Variants in RIF1 observed in about 807,000 individuals in gnomAD.
The protein encoded by RIF1 is replication timing regulatory factor 1, also known as telomere-associated protein RIF1.
RIF1 carries 45 observed loss-of-function variants against 247.1 expected under a neutral mutation model. That is an observed-to-expected ratio of 0.18 (90% CI 0.14 to 0.23). The LOEUF (loss-of-function observed/expected upper bound fraction) is 0.23, where lower values mean the gene tolerates loss of function less well. RIF1 is among the 10% of genes least tolerant of loss of function. The pLI, the probability that RIF1 is intolerant of heterozygous loss-of-function variation, is 1.00. For synonymous variants in RIF1, 1,087 were observed against 978.8 expected (o/e 1.11, Z -2.06); for missense variants, 2,967 against 2,862.5 (o/e 1.04, Z -0.83).
chr2:151,503,903 C>T (rs371835861), intron 12 of RIF1, among the ~76,000 whole-genome samples: 14 of 152,278 alleles, frequency 9.2e-5, no homozygotes, highest in South Asian at 4.1e-4. Context: ...TCCTCGCTGG[C>T]TCCTAATCTG....
At chr2:151,428,215 C>A (rs117095778) in intron 8 of RIF1, among the ~76,000 whole-genome samples, 17 of 152,036 alleles carry the variant, frequency 1.1e-4, no homozygotes, top group African/African-American at 3.9e-4. Context: ...GGCGACAGAG[C>A]GAGATTCCCT....
At position 151,445,342 on chromosome 2, in the gene RIF1, A is replaced by G. The variant is rs1332359187; in HGVS notation, c.1991A>G (p.Asn664Ser). 1.9e-6 allele frequency: 3 copies of G among 1,561,830 alleles called. No homozygotes were observed. Among genetic ancestry groups the G allele is most frequent in the East Asian group, 2.2e-5 (1 of 44,624 alleles). ...TPLTELINQT[N>S]EVNQGDALEH... Reference sequence around the variant, plus strand: ...TCATTATTTTTCTTGTTTTAGACCAATGAAGTAAATCAAGGTGATGCCTTA... The same window carrying G: ...TCATTATTTTTCTTGTTTTAGACCAGTGAAGTAAATCAAGGTGATGCCTTA... The change falls in exon 19 of 36, where the codon AAT (asparagine) becomes AGT (serine). Residue 664 changes from asparagine (N) to serine (S), a missense_variant. Asn to Ser is a conservative substitution (Grantham distance 46). Coordinates refer to ENST00000444746, the MANE Select transcript of RIF1 (RefSeq NM_018151.5).
intron 10 of RIF1, chr2:151,499,154 T>C (rs1050896256): frequency 6.0e-5 from 30 of 497,666 alleles, no homozygotes; most frequent in Non-Finnish European, 8.9e-5. Context: ...GGAAAACTGA[T>C]TCATAGGAAA....
At position 151,465,601 on chromosome 2, in the gene RIF1, C is replaced by T. The variant is rs189342229; in HGVS notation, c.6081C>T (p.Gly2027=). 4.4e-4 allele frequency: 711 copies of T among 1,613,700 alleles called. 5 individuals are homozygous for T. The East Asian group carries it at 0.011, about 25-fold the overall frequency. ...AAAATAATGAAGAAATGATGATCGG[C>T]GAGGCAATGGCTGAAACTGGCCATG... The part of the protein sequence containing the change: ...KMKNNEEMMI[G]EAMAETGHDG... Residue 2027 remains glycine (G), a synonymous_variant, in exon 30 of 36, where the codon GGC becomes GGT. Coordinates refer to ENST00000444746, the MANE Select transcript of RIF1 (RefSeq NM_018151.5).
chr2:151,496,271 A>C (rs778743839), intron 10 of RIF1: 4 of 1,601,114 alleles, frequency 2.5e-6, no homozygotes, highest in Non-Finnish European at 3.4e-6. Context: ...TTTCTCGCCA[A>C]GTACCGAGCT....
intron 20 of RIF1, among the ~76,000 whole-genome samples, chr2:151,450,594 CTT>C (rs527914694): frequency 6.8e-6 from 1 of 146,534 alleles, no homozygotes; most frequent in African/African-American, 2.5e-5. Context: ...ATAATTCTTT[CTT>C]TTTTTTTTTG....
the RIF1 span, among the ~76,000 whole-genome samples, chr2:151,522,137 A>G: frequency 6.6e-6 from 1 of 152,202 alleles, no homozygotes; most frequent in African/African-American, 2.4e-5. Context: ...GTAGTATAGG[A>G]AAGTGATTTT....
In RIF1 at chr2:151,489,868, G is replaced by T. The variant is rs1339666196; in HGVS notation, c.*416-5361G>T. 14 of 751,820 alleles carry T rather than the reference G, an allele frequency of 1.9e-5. No homozygotes were observed. In the Admixed American group the frequency reaches 3.1e-4, roughly 17 times the overall value. The allele number at this position is 751,820 out of a possible 1,614,324, so 46.6% of individuals were successfully genotyped here. On this transcript the variant is annotated intron_variant and NMD_transcript_variant, in intron 9 of 13. Coordinates refer to the RIF1 transcript ENST00000454583. ...TAATAAAAGAGCATTATATAAAATA[G>T]AAGGTTTGGTTAAAAAAAACCGTAA...
intron 3 of RIF1, among the ~76,000 whole-genome samples, chr2:151,414,398 C>T (rs753156766): frequency 1.3e-5 from 2 of 152,080 alleles, no homozygotes; most frequent in Non-Finnish European, 2.9e-5. Flanking sequence ...ACTTTATAAA[C>T]GTTACATTCT....
At chr2:151,516,395 G>C in the RIF1 span, 11 of 1,150,640 alleles carry the variant, frequency 9.6e-6, no homozygotes, top group Non-Finnish European at 1.2e-5. Context: ...GCCATGTCAT[G>C]GGCAGAGCTT....
rs1696635882 is a variant in RIF1, at chr2:151,464,571, A to T, written c.5051A>T (p.His1684Leu). ...LRTRNAIKRL[H>L]KRDSFDNCSL... The stretch of plus-strand genomic sequence containing the variant: ...ACTAGAAATGCCATTAAGAGATTAC[A>T]TAAGCGAGACTCTTTTGATAATTGT... Residue 1684 changes from histidine (H) to leucine (L), a missense_variant, in exon 30 of 36, where the codon CAT (histidine) becomes CTT (leucine). By Grantham distance (99) the His-to-Leu change is moderately conservative. This residue lies in a region of RIF1 where 2,028 missense variants were observed against 1,825.6 expected (regional missense o/e 1.11). Transcript: ENST00000444746. 1 of 1,613,320 alleles carries T rather than the reference A, an allele frequency of 6.2e-7. No individual in the cohort carries two copies.
chr2:151,503,728 A>G (rs541920805), intron 12 of RIF1, among the ~76,000 whole-genome samples: 24 of 152,310 alleles, frequency 1.6e-4, no homozygotes, highest in African/African-American at 5.5e-4. Flanking sequence ...GAAAAATCTA[A>G]CCATTTTGTT....
At chr2:151,524,749 T>G in the RIF1 span, 66 of 722,292 alleles carry the variant, frequency 9.1e-5, no homozygotes, top group Non-Finnish European at 1.6e-5. Context: ...TCACTGCAAC[T>G]TCTGTCTCCC....
downstream of RIF1, chr2:151,485,979 C>G: frequency 6.4e-7 from 1 of 1,570,242 alleles, no homozygotes; most frequent in Non-Finnish European, 8.7e-7. Flanking sequence ...GTTGGATTTG[C>G]AACAGTTAAC....
At chr2:151,466,202 C>T in intron 30 of RIF1, 82 bp downstream of exon 30, 4 of 707,182 alleles carry the variant, frequency 5.7e-6, no homozygotes, top group Non-Finnish European at 9.7e-6. Context: ...TGGTGAATGA[C>T]AAAATATTAC....
chr2:151,521,818 T>G, the RIF1 span, among the ~76,000 whole-genome samples: 15 of 152,336 alleles, frequency 9.8e-5, no homozygotes, highest in South Asian at 1.0e-3. Context: ...AAATGCAGCT[T>G]TTTACAACTA....
In RIF1 at chr2:151,492,443, C is replaced by T; in HGVS notation, c.*416-2786C>T. The T allele has an allele frequency of 6.2e-7, 1 of 1,613,466 alleles. No individual in the cohort carries two copies. Among genetic ancestry groups the T allele is most frequent in the Non-Finnish European group, 8.5e-7 (1 of 1,179,652 alleles). On this transcript the variant is annotated intron_variant and NMD_transcript_variant, in intron 9 of 13. Transcript: ENST00000454583. ...CGTCTCATCTCGGGGGTATCCAATA[C>T]ATAGGCAGCTTTGCCTTGTATTTGT...
the RIF1 span, among the ~76,000 whole-genome samples, chr2:151,515,163 C>G: frequency 6.6e-6 from 1 of 152,196 alleles, no homozygotes; most frequent in Non-Finnish European, 1.5e-5. Flanking sequence ...ACTCATCAGT[C>G]TAATGTTGTG....
Position 151,478,331 on chromosome 2 carries a change from C to G in RIF1, c.*3260C>G, listed in dbSNP as rs2049029335. The G allele has an allele frequency of 6.6e-6, 1 of 152,146 alleles. No individual in the cohort carries two copies. The highest frequency in any genetic ancestry group is 6.6e-5 in the Admixed American group (1 of 15,266). 9.4% of individuals were successfully genotyped at this position (152,146 alleles called of 1,614,324 possible). ...CGAAATCCTGTCTCTACTAAAAATA[C>G]AAAAACCAGCCAGGCATGTTGGCGC... On this transcript the variant is annotated 3_prime_UTR_variant, in exon 36 of 36. Transcript: ENST00000444746.
Sources: allele counts gnomAD v4.1 joint callset (sites outside exome capture counted in the v4.1 genomes callset), GRCh38; gene constraint gnomAD v4.1.1; regional missense constraint gnomAD v4.1.1; transcripts MANE v1.5; gene names NCBI Gene and HGNC (gene_info 2026-07-23, HGNC 2026-07-21).